SHISA9: variants seen among roughly 807,000 people sequenced by gnomAD.
SHISA9 encodes shisa family member 9, also known as protein shisa-9.
SHISA9 carries 13 observed loss-of-function variants against 38.0 expected under a neutral mutation model. The ratio of observed to expected loss-of-function variants is 0.34; its 90% CI spans 0.22 to 0.54. The LOEUF (loss-of-function observed/expected upper bound fraction) is 0.54, where lower values mean the gene tolerates loss of function less well. SHISA9 is among the 20% of genes least tolerant of loss of function. The pLI, the probability that SHISA9 is intolerant of heterozygous loss-of-function variation, is 0.91. For missense variants in SHISA9, 538 were observed against 575.8 expected, an observed-to-expected ratio of 0.93 and a Z score of 0.67; for synonymous variants, 275 against 242.0, an observed-to-expected ratio of 1.14 and a Z score of -1.27.
chr16:13,471,260 A>G, the SHISA9 span, among the ~76,000 whole-genome samples: 1 of 152,160 alleles, frequency 6.6e-6, no homozygotes, highest in Non-Finnish European at 1.5e-5. Flanking sequence ...GTCCTGAAAT[A>G]TGGAGGACTG....
chr16:13,388,058 G>C, the SHISA9 span, among the ~76,000 whole-genome samples: 124,433 of 152,048 alleles, frequency 0.82, 51,052 homozygotes, highest in East Asian at 0.96. Context: ...GAGGTCAGTA[G>C]TACCTGAGAC....
the SHISA9 span, among the ~76,000 whole-genome samples, chr16:13,442,548 GCCCACCTTGGCCT>G: frequency 3.9e-3 from 587 of 152,166 alleles, 6 homozygotes; most frequent in African/African-American, 0.013. Context: ...CAGGTGATCC[GCCCACCTTGGCCT>G]CCCAAAGTGC....
At chr16:13,426,892 A>G in the SHISA9 span, among the ~76,000 whole-genome samples, 6 of 152,220 alleles carry the variant, frequency 3.9e-5, no homozygotes, top group Admixed American at 6.5e-5. Context: ...AATTTTCACA[A>G]TAATTCTCTG....
chr16:13,331,302 A>C, the SHISA9 span: 2 of 152,112 alleles, frequency 1.3e-5, no homozygotes, highest in Non-Finnish European at 2.9e-5. Flanking sequence ...TTAACATAGG[A>C]CAAAAAAAGT....
At chr16:13,555,967 G>T in the SHISA9 span, among the ~76,000 whole-genome samples, 1 of 152,102 alleles carries the variant, frequency 6.6e-6, no homozygotes, top group Non-Finnish European at 1.5e-5. Context: ...CACACTGCTG[G>T]TTCTCAGTTT....
At chr16:13,491,052 A>T in the SHISA9 span, among the ~76,000 whole-genome samples, 5 of 152,340 alleles carry the variant, frequency 3.3e-5, no homozygotes, top group Non-Finnish European at 5.9e-5. Flanking sequence ...ACTTTCATGT[A>T]ACTATGTTCA....
the SHISA9 span, among the ~76,000 whole-genome samples, chr16:13,479,097 T>G: frequency 1.6e-3 from 248 of 152,340 alleles, no homozygotes; most frequent in Non-Finnish European, 8.8e-4. Context: ...CCTTGCCTTT[T>G]CCAGCTTCTA....
intron 1 of SHISA9, among the ~76,000 whole-genome samples, chr16:12,903,751 T>G (rs56239645): frequency 0.02 from 3,004 of 152,132 alleles, 38 homozygotes; most frequent in Middle Eastern, 0.041. Context: ...CGCTGTATTT[T>G]TCTCTACCCT....
chr16:12,970,077 G>A (rs184681640), intron 2 of SHISA9, among the ~76,000 whole-genome samples: 1 of 151,106 alleles, frequency 6.6e-6, no homozygotes, highest in African/African-American at 2.4e-5. Flanking sequence ...GAATAAATGG[G>A]CTTTATTATG....
chr16:13,557,734 C>T, the SHISA9 span, among the ~76,000 whole-genome samples: 1 of 152,254 alleles, frequency 6.6e-6, no homozygotes, highest in Non-Finnish European at 1.5e-5. Context: ...CTCTCAAACT[C>T]CCAGCAATCT....
At chr16:13,542,809 C>G in the SHISA9 span, among the ~76,000 whole-genome samples, 1 of 152,036 alleles carries the variant, frequency 6.6e-6, no homozygotes, top group Non-Finnish European at 1.5e-5. Flanking sequence ...AGGTATTCCA[C>G]CATCAGGGAT....
the SHISA9 span, among the ~76,000 whole-genome samples, chr16:13,497,542 G>T: frequency 4.0e-5 from 6 of 151,876 alleles, no homozygotes; most frequent in African/African-American, 1.5e-4. Flanking sequence ...AAAATTAGCC[G>T]GGCATGGTGG....
At chr16:13,207,850 G>A (rs893793184) in intron 3 of SHISA9, among the ~76,000 whole-genome samples, 1 of 152,216 alleles carries the variant, frequency 6.6e-6, no homozygotes, top group Non-Finnish European at 1.5e-5. Context: ...ATTATTACCA[G>A]CCAGGAGAGA....
At chr16:13,528,349 T>C in the SHISA9 span, among the ~76,000 whole-genome samples, 192 of 152,094 alleles carry the variant, frequency 1.3e-3, no homozygotes, top group Middle Eastern at 3.4e-3. Context: ...CCAATTAAGA[T>C]GTTTTATTTT....
intron 2 of SHISA9, among the ~76,000 whole-genome samples, chr16:12,938,700 A>C (rs1378218868): frequency 2.6e-5 from 4 of 151,812 alleles, no homozygotes; most frequent in African/African-American, 7.2e-5. Flanking sequence ...AGGGGGTTTC[A>C]CCATGTTGGC....
intron 2 of SHISA9, among the ~76,000 whole-genome samples, chr16:13,124,918 G>A (rs1264759649): frequency 6.6e-6 from 1 of 152,176 alleles, no homozygotes; most frequent in African/African-American, 2.4e-5. Context: ...ATATCCATAT[G>A]CAGCAGAATG....
intron 3 of SHISA9, among the ~76,000 whole-genome samples, chr16:13,210,430 T>C (rs555608570): frequency 6.6e-6 from 1 of 152,076 alleles, no homozygotes; most frequent in Non-Finnish European, 1.5e-5. Flanking sequence ...TCATTTCTAA[T>C]TCAAAATTTT....
At chr16:13,388,405 A>G in the SHISA9 span, among the ~76,000 whole-genome samples, 2 of 151,276 alleles carry the variant, frequency 1.3e-5, no homozygotes, top group Admixed American at 1.3e-4. Flanking sequence ...TCCACCTCCC[A>G]AGTTCAAGCA....
the SHISA9 span, among the ~76,000 whole-genome samples, chr16:13,544,429 GTTT>G: frequency 9.8e-6 from 1 of 102,112 alleles, no homozygotes; most frequent in Non-Finnish European, 1.8e-5. Flanking sequence ...TTTTTTTCTT[GTTT>G]TTTTTTTTTT....
Sources: allele counts gnomAD v4.1 joint callset (sites outside exome capture counted in the v4.1 genomes callset), GRCh38; gene constraint gnomAD v4.1.1; transcripts MANE v1.5; gene names NCBI Gene and HGNC (gene_info 2026-07-23, HGNC 2026-07-21).